ULK4: variants seen among roughly 807,000 people sequenced by gnomAD.
ULK4 encodes the protein inactive serine/threonine-protein kinase ULK4.
A neutral mutation model predicts 160.6 loss-of-function variants in ULK4; 133 were observed. The observed-to-expected ratio is 0.83, with a 90% CI of 0.72 to 0.96. The LOEUF (loss-of-function observed/expected upper bound fraction) is 0.96. Ranked by LOEUF, ULK4 falls within the 40% of genes least tolerant of loss-of-function variation. The pLI, the probability that ULK4 is intolerant of heterozygous loss-of-function variation, is 0.00. For synonymous variants in ULK4, 534 were observed against 539.8 expected, an observed-to-expected ratio of 0.99 and a Z score of 0.15; for missense variants, 1,580 against 1,499.5, an observed-to-expected ratio of 1.05 and a Z score of -0.89.
intron 36 of ULK4, among the ~76,000 whole-genome samples, chr3:41,248,326 G>A (rs571631331): frequency 2.2e-4 from 33 of 152,326 alleles, no homozygotes; most frequent in African/African-American, 7.2e-4. Flanking sequence ...CTATAGGCCA[G>A]TCCAGGGAGT....
chr3:41,936,785 G>C (rs149203135), intron 3 of ULK4, among the ~76,000 whole-genome samples: 2,271 of 152,222 alleles, frequency 0.015, 51 homozygotes, highest in African/African-American at 0.051. Context: ...GTGGGGAGGT[G>C]GTGGGGGAGT....
intron 25 of ULK4, among the ~76,000 whole-genome samples, chr3:41,708,401 T>C (rs1210375795): frequency 3.3e-5 from 5 of 152,104 alleles, no homozygotes; most frequent in African/African-American, 1.2e-4. Context: ...TAGAGAACAT[T>C]ATGTAAGTGA....
At chr3:41,589,430 CA>C (rs34913730) in intron 31 of ULK4, among the ~76,000 whole-genome samples, 162 of 72,098 alleles carry the variant, frequency 2.2e-3, no homozygotes, top group African/African-American at 2.5e-3. Context: ...AAGGCCAGGC[CA>C]AAAAAAAAAA....
intron 19 of ULK4, among the ~76,000 whole-genome samples, chr3:41,812,704 C>T (rs1291813934): frequency 1.3e-5 from 2 of 152,206 alleles, no homozygotes; most frequent in Non-Finnish European, 2.9e-5. Flanking sequence ...TGACTTGAGC[C>T]TCACCCCTGA....
intron 8 of ULK4, among the ~76,000 whole-genome samples, chr3:41,913,972 G>T (rs34982278): frequency 3.9e-5 from 6 of 152,006 alleles, no homozygotes; most frequent in Non-Finnish European, 8.8e-5. Flanking sequence ...CCGGGAGGGG[G>T]TGCGGCGGTG....
chr3:41,485,047 T>C (rs1444890744), intron 32 of ULK4, among the ~76,000 whole-genome samples: 1 of 152,208 alleles, frequency 6.6e-6, no homozygotes, highest in Admixed American at 6.5e-5. Flanking sequence ...CACATGGTTC[T>C]TTCCATGTGC....
intron 34 of ULK4, among the ~76,000 whole-genome samples, chr3:41,428,012 C>T (rs1308449501): frequency 6.6e-6 from 1 of 152,124 alleles, no homozygotes; most frequent in African/African-American, 2.4e-5. Flanking sequence ...AATCCTATAT[C>T]TAGAAAACTC....
At chr3:41,742,888 T>C (rs1002438020) in intron 22 of ULK4, among the ~76,000 whole-genome samples, 25 of 150,820 alleles carry the variant, frequency 1.7e-4, no homozygotes, top group African/African-American at 5.4e-4. Context: ...CCAGTGGACA[T>C]GACTACAAAT....
chr3:41,611,055 T>A (rs912623769), intron 31 of ULK4, among the ~76,000 whole-genome samples: 1 of 152,184 alleles, frequency 6.6e-6, no homozygotes, highest in Non-Finnish European at 1.5e-5. Flanking sequence ...AAGTCCTCCA[T>A]CCTGTGCATC....
At chr3:41,562,236 T>G (rs985440733) in intron 32 of ULK4, among the ~76,000 whole-genome samples, 15 of 152,200 alleles carry the variant, frequency 9.9e-5, no homozygotes, top group Admixed American at 9.2e-4. Context: ...CAGTTTACTG[T>G]GATTTCTGTT....
At chr3:41,871,877 C>CT (rs1239065401) in intron 17 of ULK4, among the ~76,000 whole-genome samples, 14 of 152,172 alleles carry the variant, frequency 9.2e-5, no homozygotes, top group African/African-American at 3.1e-4. Flanking sequence ...ATAGATGATG[C>CT]TCTTGGTGTT....
intron 5 of ULK4, among the ~76,000 whole-genome samples, chr3:41,921,401 G>A (rs1244161167): frequency 6.6e-6 from 1 of 152,060 alleles, no homozygotes; most frequent in Non-Finnish European, 1.5e-5. Flanking sequence ...CACAAGGTCA[G>A]GAGATCGAGA....
At chr3:41,646,779 G>A (rs1339707656) in intron 30 of ULK4, among the ~76,000 whole-genome samples, 1 of 151,460 alleles carries the variant, frequency 6.6e-6, no homozygotes, top group Non-Finnish European at 1.5e-5. Context: ...ATAATATCCT[G>A]AAGAGTGTTT....
intron 7 of ULK4, among the ~76,000 whole-genome samples, chr3:41,916,572 A>G (rs1285296492): frequency 1.3e-5 from 2 of 152,026 alleles, no homozygotes; most frequent in African/African-American, 4.8e-5. Flanking sequence ...TTTATTTTTT[A>G]TAGAGATGGG....
At chr3:41,646,548 C>A (rs2034501333) in intron 30 of ULK4, among the ~76,000 whole-genome samples, 2 of 152,230 alleles carry the variant, frequency 1.3e-5, no homozygotes, top group South Asian at 4.1e-4. Flanking sequence ...TGTACAGTTT[C>A]TGCTGAGAGA....
chr3:41,341,031 G>C (rs2080671267), intron 35 of ULK4, among the ~76,000 whole-genome samples: 1 of 152,188 alleles, frequency 6.6e-6, no homozygotes, highest in Non-Finnish European at 1.5e-5. Flanking sequence ...GCTGGATATA[G>C]AGCCATCTTC....
At chr3:41,597,333 G>A (rs1417927713) in intron 31 of ULK4, among the ~76,000 whole-genome samples, 1 of 152,196 alleles carries the variant, frequency 6.6e-6, no homozygotes, top group Non-Finnish European at 1.5e-5. Context: ...GACCAAGGGA[G>A]ATACATTGGT....
At chr3:41,800,457 A>G (rs1029697825) in intron 19 of ULK4, among the ~76,000 whole-genome samples, 164 bp from the exon 20 acceptor site, 1 of 152,214 alleles carries the variant, frequency 6.6e-6, no homozygotes, top group African/African-American at 2.4e-5. Context: ...TTATGAAACT[A>G]TTACAAATAA....
At chr3:41,266,727 G>T (rs999591439) in intron 35 of ULK4, among the ~76,000 whole-genome samples, 1 of 152,082 alleles carries the variant, frequency 6.6e-6, no homozygotes, top group Non-Finnish European at 1.5e-5. Flanking sequence ...ATTCTTAGAA[G>T]GTTTTCATTA....
Sources: gnomAD v4.1 joint callset for allele counts (sites outside exome capture counted in the v4.1 genomes callset) on GRCh38, gnomAD v4.1.1 for gene constraint, MANE v1.5 for transcripts, NCBI Gene and HGNC (gene_info 2026-07-23, HGNC 2026-07-21) for gene names.